Variants in OPA3 observed in about 807,000 individuals in gnomAD.
The protein encoded by OPA3 is outer mitochondrial membrane lipid metabolism regulator OPA3, also known as optic atrophy 3 protein.
Under a neutral mutation model 4.0 loss-of-function variants are expected in OPA3, and 6 were observed. That is an observed-to-expected ratio of 1.51 (90% confidence interval 0.83 to 2.99). The LOEUF (loss-of-function observed/expected upper bound fraction) is 2.99, where lower values mean the gene tolerates loss of function less well. Among genes scored for constraint, OPA3 ranks in the 30% most tolerant of loss-of-function variants. The pLI is 0.00. For synonymous variants in OPA3, 105 were observed against 117.1 expected, an observed-to-expected ratio of 0.90 and a Z score of 0.67; for missense variants, 235 against 256.2, an observed-to-expected ratio of 0.92 and a Z score of 0.56.
downstream of OPA3, among the ~76,000 whole-genome samples, chr19:45,541,994 A>G (rs1398087088): frequency 6.6e-6 from 1 of 152,178 alleles, no homozygotes; most frequent in Non-Finnish European, 1.5e-5. Flanking sequence ...CTGACCTTGG[A>G]GTCCCTGAGT....
At chr19:45,558,110 G>A (rs1247955535) in intron 1 of OPA3, among the ~76,000 whole-genome samples, 1 of 152,082 alleles carries the variant, frequency 6.6e-6, no homozygotes, top group Non-Finnish European at 1.5e-5. Context: ...GAGACAGGCA[G>A]ATCATGAGGT....
chr19:45,572,597 T>TGATATATGTATATAAATATATATATC (rs747788273), intron 1 of OPA3, among the ~76,000 whole-genome samples: 17,037 of 129,756 alleles, frequency 0.13, 1,626 homozygotes, highest in South Asian at 0.2. Context: ...ATATATATAT[T>TGATATATGTATATAAATATATATATC]GATATATATC....
rs781539538 is a variant in OPA3 at position 45,550,800 on chromosome 19, G to A, written c.*2714C>T. 91 of 985,968 alleles carry A rather than the reference G, an allele frequency of 9.2e-5. 1 individual carries two copies. Among genetic ancestry groups the A allele is most frequent in the East Asian group, 3.4e-4 (3 of 8,814 alleles). The allele number at this position is 985,968 out of a possible 1,614,324, so 61.1% of individuals were successfully genotyped here. A position where few individuals can be genotyped will look rare whatever the true frequency, so the allele number is the denominator to read the frequency against. On this transcript the variant is annotated 3_prime_UTR_variant, in exon 2 of 2. Transcript: ENST00000263275. ...CATCACCTTGCAGCTCCTCTAATGA[G>A]AGAGCTACAGTCGGAAGGACAGACT...
downstream of OPA3, among the ~76,000 whole-genome samples, chr19:45,543,593 AG>A (rs1969212216): frequency 6.6e-6 from 1 of 152,190 alleles, no homozygotes; most frequent in African/African-American, 2.4e-5. Context: ...CTGGGATTAC[AG>A]GCGTGAGCCA....
At chr19:45,554,437 C>A (rs1260634796) in intron 1 of OPA3, among the ~76,000 whole-genome samples, 1 of 152,200 alleles carries the variant, frequency 6.6e-6, no homozygotes, top group Non-Finnish European at 1.5e-5. Flanking sequence ...TGGCTCCAAT[C>A]CTAGAATTTC....
At chr19:45,566,473 CTCT>C (rs1388319844) in intron 1 of OPA3, among the ~76,000 whole-genome samples, 2 of 126,292 alleles carry the variant, frequency 1.6e-5, no homozygotes, top group Non-Finnish European at 3.4e-5. Context: ...CCTGATTTTT[CTCT>C]TTTTTTTTTT....
Position 45,559,796 on chromosome 19 carries a change from G to C in OPA3, c.143-5885C>G, listed in dbSNP as rs145513252. Among the ~76,000 whole-genome samples the C allele has an allele frequency of 7.5e-4, 113 of 151,100 alleles. 1 individual carries two copies. In the East Asian group the frequency reaches 0.019, roughly 25 times the overall value. The stretch of plus-strand genomic sequence containing the variant: ...CCAGGAAGCCCTCCCTGAACCATAG[G>C]CTGGGTCAGACACATTCTCAAGGTT... On this transcript the variant is annotated intron_variant, in intron 1 of 1. Coordinates refer to ENST00000263275, the MANE Select transcript of OPA3 (RefSeq NM_025136.4).
At chr19:45,577,770 C>T (rs1481650678) in intron 1 of OPA3, among the ~76,000 whole-genome samples, 1 of 151,524 alleles carries the variant, frequency 6.6e-6, no homozygotes, top group Non-Finnish European at 1.5e-5. Context: ...CACCTCGAGT[C>T]TGTGGTGTTC....
chr19:45,554,066 C>T (rs1969385410), intron 1 of OPA3, among the ~76,000 whole-genome samples, 155 bp from the exon 2 acceptor site: 1 of 152,170 alleles, frequency 6.6e-6, no homozygotes, highest in Non-Finnish European at 1.5e-5. Flanking sequence ...AGAAACACTG[C>T]CCCAGAAGGG....
Position 45,549,342 on chromosome 19 carries a change from C to T in OPA3, c.*4172G>A. 2 of 973,336 alleles carry T rather than the reference C, an allele frequency of 2.1e-6. No individual in the cohort carries two copies. The highest frequency in any genetic ancestry group is 2.4e-6 in the Non-Finnish European group (2 of 827,458). 60.3% of individuals were successfully genotyped at this position (973,336 alleles called of 1,614,324 possible). On this transcript the variant is annotated 3_prime_UTR_variant, in exon 2 of 2. Transcript: ENST00000263275. ...TGGGGGAAGTAGATGGCCCTGCTGC[C>T]CACGATGACTGGCTGCCTGTCAGGG...
chr19:45,538,662 G>A (rs1969149206), intron 1 of OPA3, among the ~76,000 whole-genome samples: 1 of 151,332 alleles, frequency 6.6e-6, no homozygotes, highest in Admixed American at 6.6e-5. Context: ...GGCGGAGGTT[G>A]CAGTGAGCCA....
chr19:45,554,085 G>A lies in OPA3; in HGVS notation c.143-174C>T, dbSNP rs34508139. Reference sequence around the variant, plus strand: ...ACACTGCCCCAGAAGGGAGGTCCTCGGACTTGAGGGGCCGCGCCCCAAGAG... The same window carrying A: ...ACACTGCCCCAGAAGGGAGGTCCTCAGACTTGAGGGGCCGCGCCCCAAGAG... On this transcript the variant is annotated intron_variant, in intron 1 of 1. Transcript: ENST00000263275. Among the ~76,000 whole-genome samples the A allele has an allele frequency of 0.02, 2,997 of 152,266 alleles. 43 individuals carry two copies. The highest frequency in any genetic ancestry group is 0.036 in the South Asian group (176 of 4,822).
chr19:45,581,351 T>G (rs1265752783), intron 1 of OPA3, among the ~76,000 whole-genome samples: 1 of 152,128 alleles, frequency 6.6e-6, no homozygotes, highest in Admixed American at 6.5e-5. Context: ...GCTTTGTGTG[T>G]GCTCCTCCCT....
At chr19:45,554,809 A>G (rs1969396352) in intron 1 of OPA3, among the ~76,000 whole-genome samples, 1 of 152,220 alleles carries the variant, frequency 6.6e-6, no homozygotes, top group African/African-American at 2.4e-5. Flanking sequence ...TTGTTGTTTT[A>G]GAGACGGAGT....
chr19:45,581,066 G>T (rs1969848179), intron 1 of OPA3, among the ~76,000 whole-genome samples: 1 of 152,186 alleles, frequency 6.6e-6, no homozygotes, highest in Non-Finnish European at 1.5e-5. Flanking sequence ...ATTAACTGCT[G>T]CCCTCAACAC....
At chr19:45,566,763 C>T (rs943800164) in intron 1 of OPA3, among the ~76,000 whole-genome samples, 2 of 152,078 alleles carry the variant, frequency 1.3e-5, no homozygotes, top group Non-Finnish European at 1.5e-5. Context: ...CGTGAGCCAC[C>T]GCACCTGGCT....
chr19:45,533,825 G>T (rs975460982), intron 1 of OPA3, among the ~76,000 whole-genome samples: 1 of 152,220 alleles, frequency 6.6e-6, no homozygotes, highest in Non-Finnish European at 1.5e-5. Context: ...TCCTGGGCAG[G>T]CTCCATGCTT....
intron 1 of OPA3, 55 bp from the exon 2 acceptor site, chr19:45,553,966 C>A: frequency 3.4e-6 from 5 of 1,452,134 alleles, no homozygotes; most frequent in Non-Finnish European, 4.7e-6. Flanking sequence ...GCAAGCCCCA[C>A]CCCTCTCACC....
At chr19:45,537,521 A>C (rs924054059) in intron 1 of OPA3, among the ~76,000 whole-genome samples, 7 of 152,154 alleles carry the variant, frequency 4.6e-5, no homozygotes, top group Admixed American at 1.3e-4. Context: ...AATCTGACAA[A>C]TAACTCAAAT....
Sources: allele counts gnomAD v4.1 joint callset (sites outside exome capture counted in the v4.1 genomes callset), GRCh38; gene constraint gnomAD v4.1.1; transcripts MANE v1.5; gene names NCBI Gene and HGNC (gene_info 2026-07-23, HGNC 2026-07-21).